Variants in NCKAP5 observed in about 807,000 individuals in gnomAD.
NCKAP5 encodes the protein NCK associated protein 5.
Under a neutral mutation model 167.0 loss-of-function variants are expected in NCKAP5, and 92 were observed. The ratio of observed to expected loss-of-function variants is 0.55; its 90% CI spans 0.47 to 0.66. The LOEUF is 0.66. NCKAP5 is among the 30% of genes least tolerant of loss of function. NCKAP5 has a pLI of 0.00. For missense variants in NCKAP5, 2,378 were observed against 2,315.0 expected, an observed-to-expected ratio of 1.03 and a Z score of -0.56; for synonymous variants, 891 against 877.4, an observed-to-expected ratio of 1.02 and a Z score of -0.27.
intron 11 of NCKAP5, 56 bp downstream of exon 11, chr2:132,860,436 A>T: frequency 6.5e-7 from 1 of 1,538,362 alleles, no homozygotes; most frequent in South Asian, 1.2e-5. Flanking sequence ...GAACTTAAGT[A>T]ACTTCCTGTC....
chr2:133,352,942 A>G (rs1485682874), intron 3 of NCKAP5, among the ~76,000 whole-genome samples: 1 of 152,244 alleles, frequency 6.6e-6, no homozygotes, highest in Non-Finnish European at 1.5e-5. Context: ...AGGAATATTT[A>G]AAGTCGGCTG....
chr2:133,473,500 A>G (rs1679550974), intron 3 of NCKAP5, among the ~76,000 whole-genome samples: 1 of 152,184 alleles, frequency 6.6e-6, no homozygotes, highest in African/African-American at 2.4e-5. Context: ...GGAGATGGAC[A>G]GCAGAGAATC....
chr2:133,649,208 C>T, the NCKAP5 span, among the ~76,000 whole-genome samples: 1 of 150,288 alleles, frequency 6.7e-6, no homozygotes, highest in Non-Finnish European at 1.5e-5. Context: ...AAAGTCTAAA[C>T]AGACCTATAT....
At chr2:133,012,351 C>T (rs903842756) in intron 6 of NCKAP5, among the ~76,000 whole-genome samples, 1 of 152,132 alleles carries the variant, frequency 6.6e-6, no homozygotes, top group Non-Finnish European at 1.5e-5. Flanking sequence ...AGGTTCCCGC[C>T]ATTATCCTGC....
chr2:133,611,507 G>C, the NCKAP5 span, among the ~76,000 whole-genome samples: 3,134 of 152,228 alleles, frequency 0.021, 200 homozygotes, highest in East Asian at 0.23. Context: ...TTATTTGCTT[G>C]GCTATCAGTA....
intron 11 of NCKAP5, among the ~76,000 whole-genome samples, chr2:132,837,797 G>A (rs1354867579): frequency 1.3e-5 from 2 of 152,190 alleles, no homozygotes; most frequent in African/African-American, 2.4e-5. Flanking sequence ...GGACTTCATT[G>A]AGAATGTGGG....
At chr2:133,440,952 T>C (rs1690811264) in intron 3 of NCKAP5, among the ~76,000 whole-genome samples, 1 of 152,092 alleles carries the variant, frequency 6.6e-6, no homozygotes, top group Admixed American at 6.5e-5. Context: ...ACAAATGAAC[T>C]TGGTCAATTT....
chr2:132,914,385 A>C (rs539873349), intron 8 of NCKAP5, among the ~76,000 whole-genome samples: 15 of 151,308 alleles, frequency 9.9e-5, no homozygotes, highest in Middle Eastern at 3.4e-3. Context: ...TAAAAATTTT[A>C]GAAAAAAAAT....
At chr2:133,343,037 G>A (rs1157497146) in intron 3 of NCKAP5, among the ~76,000 whole-genome samples, 2 of 152,208 alleles carry the variant, frequency 1.3e-5, no homozygotes, top group Admixed American at 1.3e-4. Context: ...TACTAAAGGT[G>A]AAGGCTTATT....
At chr2:133,109,874 T>C (rs1311580861) in intron 6 of NCKAP5, among the ~76,000 whole-genome samples, 10 of 152,164 alleles carry the variant, frequency 6.6e-5, no homozygotes, top group African/African-American at 2.2e-4. Flanking sequence ...AATTCAATTA[T>C]TGTACCAAGT....
At chr2:133,081,015 A>C (rs140942653) in intron 6 of NCKAP5, among the ~76,000 whole-genome samples, 190 of 152,264 alleles carry the variant, frequency 1.2e-3, no homozygotes, top group Middle Eastern at 6.8e-3. Context: ...GGGGCTCTGC[A>C]CAGTGTGGAG....
At chr2:133,154,116 A>G (rs968704721) in intron 5 of NCKAP5, among the ~76,000 whole-genome samples, 1 of 152,108 alleles carries the variant, frequency 6.6e-6, no homozygotes, top group Non-Finnish European at 1.5e-5. Context: ...TGCTAGGATT[A>G]CAGGCGTGAG....
intron 3 of NCKAP5, among the ~76,000 whole-genome samples, chr2:133,361,821 T>C (rs1685122412): frequency 6.6e-6 from 1 of 152,188 alleles, no homozygotes; most frequent in Non-Finnish European, 1.5e-5. Context: ...GTCTAGCAAA[T>C]GTCTTAGCAA....
intron 11 of NCKAP5, among the ~76,000 whole-genome samples, chr2:132,822,042 C>T (rs1162177116): frequency 1.3e-5 from 2 of 152,168 alleles, no homozygotes; most frequent in Admixed American, 6.5e-5. Flanking sequence ...CTTAGAGTCC[C>T]CTACTAGCAT....
intron 6 of NCKAP5, among the ~76,000 whole-genome samples, chr2:133,016,967 A>G (rs1008440567): frequency 1.4e-4 from 22 of 152,390 alleles, no homozygotes; most frequent in African/African-American, 5.3e-4. Flanking sequence ...TGCATTGAAT[A>G]ATGGTAAAGG....
chr2:132,886,761 G>T (rs949561937), intron 8 of NCKAP5, among the ~76,000 whole-genome samples: 1 of 152,120 alleles, frequency 6.6e-6, no homozygotes, highest in African/African-American at 2.4e-5. Flanking sequence ...TGTATCAGGA[G>T]GCACATGATA....
At chr2:133,529,635 T>C (rs1460880434) in intron 2 of NCKAP5, among the ~76,000 whole-genome samples, 1 of 152,228 alleles carries the variant, frequency 6.6e-6, no homozygotes, top group Non-Finnish European at 1.5e-5. Flanking sequence ...AGAAATTGAC[T>C]AATTGCCTTC....
intron 4 of NCKAP5, among the ~76,000 whole-genome samples, chr2:133,215,709 C>G (rs186742351): frequency 6.6e-6 from 1 of 151,948 alleles, no homozygotes; most frequent in South Asian, 2.1e-4. Flanking sequence ...GTAACAGAAG[C>G]AAGTACAAAA....
At chr2:132,837,591 A>C (rs1337396031) in intron 11 of NCKAP5, among the ~76,000 whole-genome samples, 2 of 150,812 alleles carry the variant, frequency 1.3e-5, no homozygotes, top group Non-Finnish European at 3.0e-5. Context: ...TGTTTTTTCA[A>C]TTTTCTTCTG....
Sources: allele counts gnomAD v4.1 joint callset (sites outside exome capture counted in the v4.1 genomes callset), GRCh38; gene constraint gnomAD v4.1.1; transcripts MANE v1.5; gene names NCBI Gene and HGNC (gene_info 2026-07-23, HGNC 2026-07-21).